Variants in RALA observed in about 807,000 individuals in gnomAD.
RALA encodes RAS like proto-oncogene A.
Under a neutral mutation model 24.0 loss-of-function variants are expected in RALA, and 5 were observed. The observed-to-expected ratio is 0.21, with a 90% CI of 0.11 to 0.44. The LOEUF is 0.44. RALA is among the 20% of genes least tolerant of loss of function. The pLI is 0.99. For synonymous variants in RALA, 77 were observed against 83.8 expected (o/e 0.92, Z 0.44); for missense variants, 95 against 241.2 (o/e 0.39, Z 4.01).
chr7:39,666,094 A>G (rs970642787), intron 1 of RALA, among the ~76,000 whole-genome samples: 4 of 151,878 alleles, frequency 2.6e-5, no homozygotes, highest in African/African-American at 9.7e-5. Context: ...GGATTTTTTA[A>G]TCTCCCTTTT....
intron 1 of RALA, among the ~76,000 whole-genome samples, chr7:39,653,827 T>TC (rs1412135435): frequency 1.3e-5 from 2 of 152,228 alleles, no homozygotes; most frequent in African/African-American, 4.8e-5. Flanking sequence ...GGTGGATGTC[T>TC]CAGAATTTTG....
intron 1 of RALA, among the ~76,000 whole-genome samples, chr7:39,652,803 T>C (rs1343655890): frequency 6.6e-6 from 1 of 152,130 alleles, no homozygotes; most frequent in African/African-American, 2.4e-5. Flanking sequence ...AGATGGTCTG[T>C]TGCCCAGGCT....
intron 1 of RALA, among the ~76,000 whole-genome samples, chr7:39,674,065 A>G (rs1300457680): frequency 1.3e-5 from 2 of 151,298 alleles, no homozygotes; most frequent in Non-Finnish European, 2.9e-5. Context: ...AAATAAATAA[A>G]TAAATAAATA....
chr7:39,627,503 C>T lies in RALA; in HGVS notation c.-38+3678C>T, dbSNP rs118010781. ...TTTATTGCTGAATTTACTTTTGAAA[C>T]TAAATGTCAGGGTTTGGTAATGTTA... is the stretch of plus-strand genomic sequence containing the variant. On this transcript the variant is annotated intron_variant, in intron 1 of 4. Transcript: ENST00000005257. Among the ~76,000 whole-genome samples, 261 of 152,246 alleles carry T rather than the reference C, an allele frequency of 1.7e-3. 1 individual carries two copies. The highest frequency in any genetic ancestry group is 3.2e-3 in the Non-Finnish European group (216 of 68,012).
intron 1 of RALA, among the ~76,000 whole-genome samples, chr7:39,661,336 G>T (rs1287110554): frequency 1.3e-5 from 2 of 152,152 alleles, no homozygotes; most frequent in Non-Finnish European, 2.9e-5. Flanking sequence ...GTCCCTCAAA[G>T]TCTTAACTCA....
intron 4 of RALA, among the ~76,000 whole-genome samples, chr7:39,705,721 A>C (rs894965990): frequency 6.6e-6 from 1 of 151,748 alleles, no homozygotes; most frequent in Non-Finnish European, 1.5e-5. Context: ...TCAAATTATT[A>C]AATATAAATT....
At chr7:39,701,422 G>A (rs917697460) in intron 4 of RALA, among the ~76,000 whole-genome samples, 36 of 152,246 alleles carry the variant, frequency 2.4e-4, no homozygotes, top group Non-Finnish European at 3.8e-4. Flanking sequence ...GAGACAGGAG[G>A]ATTGCTTGAG....
intron 1 of RALA, among the ~76,000 whole-genome samples, chr7:39,661,584 A>G (rs1792191711): frequency 1.3e-5 from 2 of 152,110 alleles, no homozygotes; most frequent in Admixed American, 1.3e-4. Flanking sequence ...ATCTCCTTTG[A>G]CTCCATGTCT....
At chr7:39,662,741 T>G (rs948061238) in intron 1 of RALA, among the ~76,000 whole-genome samples, 3 of 152,340 alleles carry the variant, frequency 2.0e-5, no homozygotes, top group African/African-American at 4.8e-5. Flanking sequence ...TTTTCCTGTC[T>G]TCTTTGGAGC....
chr7:39,631,746 G>A (rs1282383043), intron 1 of RALA, among the ~76,000 whole-genome samples: 1 of 151,928 alleles, frequency 6.6e-6, no homozygotes, highest in Non-Finnish European at 1.5e-5. Context: ...CCATTTATAC[G>A]AATATTGTTG....
rs534267060 is a variant in RALA at position 39,694,683 on chromosome 7, A to C, written c.324-2002A>C. On this transcript the variant is annotated intron_variant, in intron 3 of 4. Transcript: ENST00000005257. ...TGGTATTTAGGAAACATTGTCTAAG[A>C]AGCACAGAATAGAATAATCTGAAAA... Among the ~76,000 whole-genome samples the C allele has an allele frequency of 2.4e-4, 37 of 152,228 alleles. No homozygotes were observed. The South Asian group carries it at 7.7e-3, about 32-fold the overall frequency.
intron 4 of RALA, among the ~76,000 whole-genome samples, chr7:39,702,160 GC>G (rs1793040043): frequency 6.6e-6 from 1 of 152,078 alleles, no homozygotes; most frequent in Non-Finnish European, 1.5e-5. Context: ...ATGGATACAT[GC>G]TTATATAAAG....
intron 1 of RALA, among the ~76,000 whole-genome samples, chr7:39,650,198 T>C (rs1000790010): frequency 6.6e-6 from 1 of 152,224 alleles, no homozygotes; most frequent in East Asian, 1.9e-4. Context: ...AGTGGAAGCA[T>C]CGGGCTTACT....
chr7:39,661,641 G>T lies in RALA; in HGVS notation c.-37-24990G>T, dbSNP rs183678409. Among the ~76,000 whole-genome samples the T allele has an allele frequency of 2.6e-5, 4 of 152,306 alleles. No homozygotes were observed. The East Asian group carries it at 7.7e-4, about 29-fold the overall frequency. Reference sequence around the variant, plus strand: ...CAAAAGGTGGGTTCCCATGGTCTTGGGCAGCTCTGCTTCTGTGGCTTTGCC... The same window carrying T: ...CAAAAGGTGGGTTCCCATGGTCTTGTGCAGCTCTGCTTCTGTGGCTTTGCC... On this transcript the variant is annotated intron_variant, in intron 1 of 4. Coordinates refer to ENST00000005257, the MANE Select transcript of RALA (RefSeq NM_005402.4).
At chr7:39,627,339 G>A (rs2115903889) in intron 1 of RALA, among the ~76,000 whole-genome samples, 1 of 152,216 alleles carries the variant, frequency 6.6e-6, no homozygotes, top group African/African-American at 2.4e-5. Context: ...AAAGTCAAGA[G>A]GGTAGTCTTT....
chr7:39,664,614 G>C (rs370331949), intron 1 of RALA, among the ~76,000 whole-genome samples: 2 of 152,112 alleles, frequency 1.3e-5, no homozygotes, highest in African/African-American at 4.8e-5. Context: ...CCCCAATAGA[G>C]GAACATCATG....
At chr7:39,658,689 C>T (rs1792135837) in intron 1 of RALA, among the ~76,000 whole-genome samples, 1 of 151,976 alleles carries the variant, frequency 6.6e-6, no homozygotes, top group Non-Finnish European at 1.5e-5. Context: ...GATTCTGAGT[C>T]ATACTCCTGG....
At chr7:39,669,212 C>T (rs1792339335) in intron 1 of RALA, among the ~76,000 whole-genome samples, 1 of 152,108 alleles carries the variant, frequency 6.6e-6, no homozygotes, top group Non-Finnish European at 1.5e-5. Flanking sequence ...CCTTTCCCTC[C>T]CCCTCTTGCT....
At chr7:39,705,479 T>A (rs1399428359) in intron 4 of RALA, among the ~76,000 whole-genome samples, 6 of 152,208 alleles carry the variant, frequency 3.9e-5, no homozygotes, top group Admixed American at 3.3e-4. Context: ...GAGGAATTTC[T>A]TATTGAAATT....
Sources: allele counts gnomAD v4.1 joint callset (sites outside exome capture counted in the v4.1 genomes callset), GRCh38; gene constraint gnomAD v4.1.1; transcripts MANE v1.5; gene names NCBI Gene and HGNC (gene_info 2026-07-23, HGNC 2026-07-21).